The following BTD variants were observed in gnomAD, a reference collection of about 807,000 sequenced individuals.
BTD encodes the protein biocytinase.
A neutral mutation model predicts 17.7 loss-of-function variants in BTD; 13 were observed. The ratio of observed to expected loss-of-function variants is 0.74; its 90% confidence interval spans 0.48 to 1.17. The LOEUF (loss-of-function observed/expected upper bound fraction) is 1.17. Among genes scored for constraint, BTD ranks in the 50% most tolerant of loss-of-function variants. The pLI, the probability that BTD is intolerant of heterozygous loss-of-function variation, is 0.00. For synonymous variants in BTD, 240 were observed against 245.2 expected (o/e 0.98, Z 0.20); for missense variants, 674 against 650.4 (o/e 1.04, Z -0.39).
chr3:15,650,559 A>C lies in BTD; in HGVS notation c.*5071A>C, dbSNP rs188561149. Among the ~76,000 whole-genome samples, 1 of 151,964 alleles carries C rather than the reference A, an allele frequency of 6.6e-6. No homozygotes were observed. The highest frequency in any genetic ancestry group is 2.4e-5 in the African/African-American group (1 of 41,432). The stretch of plus-strand genomic sequence containing the variant: ...GACACAGTATCACACTCTACTCTGC[A>C]CTCTTCTTTATCATTTTCTCCCACA... On this transcript the variant is annotated 3_prime_UTR_variant, in exon 4 of 4. Transcript: ENST00000643237.
chr3:15,641,409 C>G (rs997447611), intron 2 of BTD, among the ~76,000 whole-genome samples: 1 of 152,200 alleles, frequency 6.6e-6, no homozygotes, highest in Non-Finnish European at 1.5e-5. Flanking sequence ...TCAAATCAGA[C>G]TTTGTAGGGG....
intron 1 of BTD, among the ~76,000 whole-genome samples, chr3:15,628,198 C>T (rs1052234300): frequency 3.3e-5 from 5 of 152,220 alleles, no homozygotes; most frequent in Non-Finnish European, 5.9e-5. Context: ...CCACCACATG[C>T]TTAGAGAGGT....
At chr3:15,621,380 GTT>G (rs1450086658) in intron 1 of BTD, among the ~76,000 whole-genome samples, 5 of 152,190 alleles carry the variant, frequency 3.3e-5, no homozygotes, top group Non-Finnish European at 7.3e-5. Context: ...TATTCCCTCT[GTT>G]TCTGTCTTCT....
Position 15,644,362 on chromosome 3 carries a change from T to C in BTD, c.446T>C (p.Leu149Ser). The change falls in exon 4 of 4, where the codon TTG becomes TCG. Residue 149 changes from leucine (L) to serine (S), a missense_variant. Transcript: ENST00000643237. Reference protein sequence around the residue: ...SCMAIRGDMFLVANLGTKEPC... With the variant: ...SCMAIRGDMFSVANLGTKEPC... ...ATGGCCATCAGGGGAGATATGTTCT[T>C]GGTGGCCAATCTTGGGACAAAGGAG... The C allele has an allele frequency of 6.2e-7, 1 of 1,614,058 alleles. No homozygotes were observed. The highest frequency in any genetic ancestry group is 8.5e-7 in the Non-Finnish European group (1 of 1,179,990).
chr3:15,655,193 CTG>C (rs1368006624), downstream of BTD, among the ~76,000 whole-genome samples: 1 of 152,180 alleles, frequency 6.6e-6, no homozygotes, highest in African/African-American at 2.4e-5. Context: ...ACAAAGAAGG[CTG>C]TGTCCTCTGA....
rs370066621 is a variant in BTD, at chr3:15,679,500, G to C, written c.400-30560G>C. On this transcript the variant is annotated intron_variant, in intron 3 of 3. Coordinates refer to the BTD transcript ENST00000672141. ...CACGGCACAATGCAATGGACTAAAA[G>C]CATTTCCTTCCGTTTTCTGGAAAAC... The C allele has an allele frequency of 1.9e-6, 3 of 1,613,866 alleles. No homozygotes were observed. The South Asian group carries it at 3.3e-5, about 18-fold the overall frequency.
chr3:15,721,527 A>C (rs1204937422), intron 4 of BTD, among the ~76,000 whole-genome samples: 1 of 152,208 alleles, frequency 6.6e-6, no homozygotes, highest in Non-Finnish European at 1.5e-5. Flanking sequence ...AGTAACATGC[A>C]CATTTTCATC....
intron 2 of BTD, among the ~76,000 whole-genome samples, chr3:15,636,256 C>T (rs2065344971): frequency 6.6e-6 from 1 of 152,162 alleles, no homozygotes; most frequent in African/African-American, 2.4e-5. Context: ...CGTTTGCTCC[C>T]TTCAGACTGT....
chr3:15,620,952 C>T (rs1051831524), intron 1 of BTD, among the ~76,000 whole-genome samples: 3 of 152,242 alleles, frequency 2.0e-5, no homozygotes, highest in Non-Finnish European at 4.4e-5. Context: ...ATAACTCAGT[C>T]CAAGGCCGAA....
intron 3 of BTD, chr3:15,686,117 G>A (rs779974416): frequency 3.7e-6 from 6 of 1,612,194 alleles, no homozygotes; most frequent in Non-Finnish European, 5.1e-6. Flanking sequence ...CATCAGAGGC[G>A]TCCTGAGCAA....
intron 2 of BTD, among the ~76,000 whole-genome samples, chr3:15,640,522 C>T (rs766234259): frequency 5.9e-5 from 9 of 152,006 alleles, no homozygotes; most frequent in Non-Finnish European, 1.2e-4. Context: ...TCCTGAGTAG[C>T]TGGGATTGCA....
intron 1 of BTD, among the ~76,000 whole-genome samples, chr3:15,618,224 C>T (rs2064846528): frequency 2.6e-5 from 4 of 152,240 alleles, no homozygotes; most frequent in Admixed American, 2.6e-4. Context: ...GCCTTGGCCT[C>T]TTAAAGTGCT....
downstream of BTD, among the ~76,000 whole-genome samples, chr3:15,714,053 C>T (rs2072678280): frequency 6.6e-6 from 1 of 152,128 alleles, no homozygotes; most frequent in Non-Finnish European, 1.5e-5. Context: ...AACCATAGCA[C>T]CTATTATCTT....
At chr3:15,712,550 C>T (rs2072453122) in exon 4 of BTD, among the ~76,000 whole-genome samples, 2 of 152,210 alleles carry the variant, frequency 1.3e-5, no homozygotes, top group Admixed American at 1.3e-4. Context: ...ACATTAACAC[C>T]TTCCTCCCCA....
intron 3 of BTD, among the ~76,000 whole-genome samples, chr3:15,706,034 C>G (rs905212202): frequency 7.7e-6 from 1 of 130,282 alleles, no homozygotes; most frequent in African/African-American, 2.9e-5. Flanking sequence ...ACAAAAAAAC[C>G]CACAAAAACA....
In BTD at chr3:15,650,549, T is replaced by G. The variant is rs1004363533; in HGVS notation, c.*5061T>G. 6.6e-6 allele frequency among the ~76,000 whole-genome samples: 1 copy of G among 152,180 alleles called. No individual in the cohort carries two copies. Among genetic ancestry groups the G allele is most frequent in the Non-Finnish European group, 1.5e-5 (1 of 68,028 alleles). On this transcript the variant is annotated 3_prime_UTR_variant, in exon 4 of 4. Coordinates refer to ENST00000643237, the MANE Select transcript of BTD (RefSeq NM_001370658.1). ...GGTGTCTCTGGACACAGTATCACAC[T>G]CTACTCTGCACTCTTCTTTATCATT...
chr3:15,679,660 T>A, intron 3 of BTD: 1 of 896,130 alleles, frequency 1.1e-6, no homozygotes, highest in Non-Finnish European at 1.7e-6. Context: ...TGTAAAAGTC[T>A]CTCCCTCATC....
At chr3:15,643,043 A>AT (rs1179445410) in intron 3 of BTD, among the ~76,000 whole-genome samples, 6 of 89,588 alleles carry the variant, frequency 6.7e-5, no homozygotes, top group African/African-American at 2.2e-4. Flanking sequence ...AAAAAAAAAA[A>AT]ATAAAATAAA....
At chr3:15,670,310 T>C (rs1179298322) in intron 3 of BTD, 1 of 1,613,898 alleles carries the variant, frequency 6.2e-7, no homozygotes, top group Non-Finnish European at 8.5e-7. Flanking sequence ...CTCATCCACG[T>C]CAGTGTATAA....
Sources: gnomAD v4.1 joint callset for allele counts (sites outside exome capture counted in the v4.1 genomes callset) on GRCh38, gnomAD v4.1.1 for gene constraint, MANE v1.5 for transcripts, NCBI Gene and HGNC (gene_info 2026-07-23, HGNC 2026-07-21) for gene names.